Variants in RNF130 observed in about 807,000 individuals in gnomAD.
The protein encoded by RNF130 is E3 ubiquitin-protein ligase RNF130.
A neutral mutation model predicts 44.6 loss-of-function variants in RNF130; 21 were observed. The ratio of observed to expected loss-of-function variants is 0.47; its 90% confidence interval spans 0.33 to 0.68. The LOEUF (loss-of-function observed/expected upper bound fraction) is 0.68, where lower values mean the gene tolerates loss of function less well. Among genes scored for constraint, RNF130 ranks in the 30% least tolerant of loss-of-function variants. The pLI is 0.02. For synonymous variants in RNF130, 214 were observed against 210.4 expected, an observed-to-expected ratio of 1.02 and a Z score of -0.15; for missense variants, 479 against 560.6, an observed-to-expected ratio of 0.85 and a Z score of 1.47.
chr5:180,001,982 C>T (rs1329647867), intron 3 of RNF130, among the ~76,000 whole-genome samples: 1 of 152,234 alleles, frequency 6.6e-6, no homozygotes, highest in Non-Finnish European at 1.5e-5. Context: ...CACAACTGCT[C>T]AGTCTGGCCA....
In RNF130 at chr5:179,938,391, G is replaced by T. The variant is rs1365826858; in HGVS notation, c.1151-17965C>A. On this transcript the variant is annotated intron_variant, in intron 7 of 7. Coordinates refer to the RNF130 transcript ENST00000522208. ...GGGGACAGGACACAGATTGGTAGTTGTCAGGGGCCGGGGGGATTGCAGAAT... is the reference window on the plus strand; with the variant it reads ...GGGGACAGGACACAGATTGGTAGTTTTCAGGGGCCGGGGGGATTGCAGAAT... 3.9e-5 allele frequency among the ~76,000 whole-genome samples: 6 copies of T among 152,062 alleles called. No individual in the cohort carries two copies. The East Asian group carries it at 5.8e-4, about 15-fold the overall frequency.
intron 3 of RNF130, among the ~76,000 whole-genome samples, chr5:179,996,944 G>C (rs1763212954): frequency 6.6e-6 from 1 of 152,048 alleles, no homozygotes; most frequent in African/African-American, 2.4e-5. Flanking sequence ...ATCAAGTGCT[G>C]GACTTTTCTT....
chr5:179,980,855 C>T (rs989666662), intron 3 of RNF130, among the ~76,000 whole-genome samples: 1 of 152,210 alleles, frequency 6.6e-6, no homozygotes, highest in Non-Finnish European at 1.5e-5. Context: ...GCTAGCACTG[C>T]TTGGCACCAA....
intron 1 of RNF130, among the ~76,000 whole-genome samples, chr5:180,056,083 T>TA (rs1016037847): frequency 1.5e-4 from 23 of 148,956 alleles, no homozygotes; most frequent in South Asian, 8.5e-4. Context: ...AACTGGGTCT[T>TA]AAAAAAAAAC....
At position 179,966,998 on chromosome 5, in the gene RNF130, A is replaced by G. The variant is rs1296205552; in HGVS notation, c.958T>C (p.Cys320Arg). 3.1e-6 allele frequency: 5 copies of G among 1,612,766 alleles called. No homozygotes were observed. The highest frequency in any genetic ancestry group is 4.2e-6 in the Non-Finnish European group (5 of 1,179,444). Residue 320 changes from cysteine to arginine, a missense_variant, in exon 7 of 9, where the codon TGT becomes CGT. Physicochemically the swap from Cys to Arg is radical, Grantham distance 180. Around this residue, in one of 3 missense-constraint regions of RNF130, gnomAD observed 161 missense variants for 158.6 expected, o/e 1.02. Transcript: ENST00000521389. Reference protein sequence around the residue: ...KALGIVPNLPCTDNVAFDMER... With the variant: ...KALGIVPNLPRTDNVAFDMER... ...ATATCGAATGCTACGTTATCAGTAC[A>G]TGGCAAATTCGGCTGCAAAATATTT...
At chr5:180,013,716 G>GA (rs1447542188) in intron 2 of RNF130, among the ~76,000 whole-genome samples, 1 of 152,186 alleles carries the variant, frequency 6.6e-6, no homozygotes, top group Non-Finnish European at 1.5e-5. Flanking sequence ...ATGATCTTCA[G>GA]AAAGTCTTAA....
Position 179,924,504 on chromosome 5 carries a change from A to T in RNF130, c.1151-4078T>A, listed in dbSNP as rs139231705. Among the ~76,000 whole-genome samples the T allele has an allele frequency of 6.8e-3, 1,030 of 151,030 alleles. 3 individuals carry two copies. Among genetic ancestry groups the T allele is most frequent in the Non-Finnish European group, 0.01 (689 of 67,846 alleles). On this transcript the variant is annotated intron_variant, in intron 7 of 7. Transcript: ENST00000522208. Reference sequence around the variant, plus strand: ...AGCAAAACTCTGTCTGAAAAAAAAAAAAATAAATACAGGCTGGGCGCAGTG... The same window carrying T: ...AGCAAAACTCTGTCTGAAAAAAAAATAAATAAATACAGGCTGGGCGCAGTG...
intron 3 of RNF130, among the ~76,000 whole-genome samples, chr5:179,984,812 T>C (rs1475885496): frequency 6.6e-6 from 1 of 152,200 alleles, no homozygotes; most frequent in Non-Finnish European, 1.5e-5. Context: ...AATTAAAATC[T>C]GAAATGCTCC....
At chr5:179,946,624 G>C (rs1762044280) in intron 7 of RNF130, among the ~76,000 whole-genome samples, 1 of 151,154 alleles carries the variant, frequency 6.6e-6, no homozygotes, top group African/African-American at 2.4e-5. Flanking sequence ...TGTGATCTTG[G>C]CTCACTGCAA....
chr5:179,976,451 C>T (rs777746780), intron 5 of RNF130, among the ~76,000 whole-genome samples: 2 of 152,176 alleles, frequency 1.3e-5, no homozygotes, highest in Non-Finnish European at 1.5e-5. Flanking sequence ...GTGTGGATGA[C>T]GCCTCCCTGT....
chr5:179,924,726 T>C (rs901901925), intron 7 of RNF130, among the ~76,000 whole-genome samples: 1 of 151,964 alleles, frequency 6.6e-6, no homozygotes, highest in Non-Finnish European at 1.5e-5. Context: ...GAGGTGGAGG[T>C]TGCAGTGAGC....
At chr5:180,032,922 C>G (rs1441145969) in intron 2 of RNF130, among the ~76,000 whole-genome samples, 1 of 152,114 alleles carries the variant, frequency 6.6e-6, no homozygotes, top group Admixed American at 6.5e-5. Flanking sequence ...AACTGCCACC[C>G]TGACAATACT....
At chr5:180,046,753 GCCT>G (rs1255256611) in intron 1 of RNF130, among the ~76,000 whole-genome samples, 2 of 152,092 alleles carry the variant, frequency 1.3e-5, no homozygotes, top group Non-Finnish European at 2.9e-5. Context: ...CGCTTTCCCA[GCCT>G]CCTAAGACTG....
chr5:179,948,548 G>A (rs1416221139), intron 7 of RNF130, among the ~76,000 whole-genome samples: 1 of 152,142 alleles, frequency 6.6e-6, no homozygotes, highest in East Asian at 1.9e-4. Flanking sequence ...GCAGGCGCCT[G>A]TAATCCCAGC....
intron 1 of RNF130, among the ~76,000 whole-genome samples, chr5:180,051,276 G>C (rs957958640): frequency 1.6e-4 from 7 of 43,392 alleles, no homozygotes; most frequent in African/African-American, 3.5e-4. Context: ...TTGAGACAGA[G>C]TCTCGATCTG....
At chr5:179,929,224 T>TG (rs1761770997) in intron 7 of RNF130, among the ~76,000 whole-genome samples, 4 of 152,184 alleles carry the variant, frequency 2.6e-5, no homozygotes, top group African/African-American at 9.7e-5. Context: ...AGACCATTCT[T>TG]ACCCCACGGC....
At chr5:180,046,118 T>G (rs1443147143) in intron 1 of RNF130, among the ~76,000 whole-genome samples, 1 of 152,100 alleles carries the variant, frequency 6.6e-6, no homozygotes, top group Admixed American at 6.5e-5. Flanking sequence ...CTGTGCGCGG[T>G]GGACCGCGGC....
intron 3 of RNF130, among the ~76,000 whole-genome samples, chr5:179,988,382 T>TA (rs1421790180): frequency 6.6e-6 from 1 of 152,236 alleles, no homozygotes; most frequent in Admixed American, 6.5e-5. Context: ...ATTGTGTTTT[T>TA]AGTCTCTGTT....
At position 179,975,241 on chromosome 5, in the gene RNF130, G is replaced by A. The variant is rs897500109; in HGVS notation, c.848+2962C>T. On this transcript the variant is annotated intron_variant, in intron 5 of 8. Transcript: ENST00000521389. ...TTCTGTAAGCGGCAGTTTGGTGAGCGCGAAGGCGCAGCTGCGAGTGGCATC... is the reference window on the plus strand; with the variant it reads ...TTCTGTAAGCGGCAGTTTGGTGAGCACGAAGGCGCAGCTGCGAGTGGCATC... Among the ~76,000 whole-genome samples, 6 of 152,256 alleles carry A rather than the reference G, an allele frequency of 3.9e-5. No homozygotes were observed. In the South Asian group the frequency reaches 6.2e-4, roughly 16 times the overall value.
Sources: gnomAD v4.1 joint callset for allele counts (sites outside exome capture counted in the v4.1 genomes callset) on GRCh38, gnomAD v4.1.1 for gene constraint, gnomAD v4.1.1 regional missense constraint, MANE v1.5 for transcripts, NCBI Gene and HGNC (gene_info 2026-07-23, HGNC 2026-07-21) for gene names.